PEBP4: variants seen among roughly 807,000 people sequenced by gnomAD.
PEBP4 encodes the protein phosphatidylethanolamine binding protein 4.
A neutral mutation model predicts 23.9 loss-of-function variants in PEBP4; 22 were observed. The observed-to-expected ratio is 0.92, with a 90% CI of 0.66 to 1.31. PEBP4 has a LOEUF of 1.31. Among genes scored for constraint, PEBP4 ranks in the 40% most tolerant of loss-of-function variants. The pLI, the probability that PEBP4 is intolerant of heterozygous loss-of-function variation, is 0.00. For missense variants in PEBP4, 324 were observed against 281.7 expected (o/e 1.15, Z -1.07); for synonymous variants, 112 against 99.3 (o/e 1.13, Z -0.76).
intron 4 of PEBP4, among the ~76,000 whole-genome samples, chr8:22,810,709 T>A (rs867064563): frequency 0.014 from 1,606 of 113,220 alleles, 18 homozygotes; most frequent in Middle Eastern, 0.027. Context: ...TGTGTGTGTG[T>A]GTGTGAGAGA....
Position 22,724,809 on chromosome 8 carries a change from C to A in PEBP4, c.517+34G>T, listed in dbSNP as rs201132505. On this transcript the variant is annotated intron_variant, in intron 6 of 6. Transcript: ENST00000256404. The stretch of plus-strand genomic sequence containing the variant: ...GCGTTTGTTCCACCCCAGAATTCAC[C>A]CCGGTGGTGGCTGGAAGGATGGGGA... The A allele has an allele frequency of 2.6e-6, 4 of 1,532,170 alleles. No homozygotes were observed. In the African/African-American group the frequency reaches 5.5e-5, roughly 21 times the overall value. The allele number at this position is 1,532,170 out of a possible 1,614,324, so 94.9% of individuals were successfully genotyped here.
At chr8:22,913,251 G>A (rs901203387) in intron 3 of PEBP4, among the ~76,000 whole-genome samples, 3 of 152,014 alleles carry the variant, frequency 2.0e-5, no homozygotes, top group Non-Finnish European at 4.4e-5. Context: ...CTCCCAGCCC[G>A]CAGTCCTGGA....
intron 3 of PEBP4, among the ~76,000 whole-genome samples, chr8:22,909,547 C>A (rs1294053239): frequency 6.6e-6 from 1 of 152,118 alleles, no homozygotes; most frequent in African/African-American, 2.4e-5. Flanking sequence ...GTCTCACAAC[C>A]CACTCCTTCC....
chr8:22,755,993 G>A (rs957185249), intron 4 of PEBP4: 6 of 152,174 alleles, frequency 3.9e-5, no homozygotes, highest in Non-Finnish European at 8.8e-5. Context: ...TGCCTCCAAC[G>A]GGGACACAAC....
intron 3 of PEBP4, among the ~76,000 whole-genome samples, chr8:22,908,419 G>A (rs1264403576): frequency 6.6e-6 from 1 of 151,936 alleles, no homozygotes; most frequent in Non-Finnish European, 1.5e-5. Flanking sequence ...TCTAGGAAGA[G>A]GCAGTGACCC....
At chr8:22,716,363 G>A (rs907066004) in intron 6 of PEBP4, among the ~76,000 whole-genome samples, 2 of 152,222 alleles carry the variant, frequency 1.3e-5, no homozygotes, top group African/African-American at 4.8e-5. Context: ...TTTCAGCGAT[G>A]TTCCAGATGG....
intron 1 of PEBP4, among the ~76,000 whole-genome samples, chr8:22,936,762 A>G (rs1470785039): frequency 1.3e-5 from 2 of 152,234 alleles, no homozygotes; most frequent in African/African-American, 4.8e-5. Flanking sequence ...AGCATAACCA[A>G]GTGAGATTTA....
chr8:22,824,483 A>T (rs1487152559), intron 3 of PEBP4, among the ~76,000 whole-genome samples: 1 of 152,084 alleles, frequency 6.6e-6, no homozygotes, highest in African/African-American at 2.4e-5. Context: ...GTGGAAGACA[A>T]TTTTTCCCCA....
At chr8:22,849,862 T>G (rs921174995) in intron 3 of PEBP4, among the ~76,000 whole-genome samples, 10 of 152,136 alleles carry the variant, frequency 6.6e-5, no homozygotes, top group Non-Finnish European at 1.5e-5. Context: ...TTTGTTGCTG[T>G]GGAATGCAAC....
At chr8:22,824,687 C>T (rs1265285214) in intron 3 of PEBP4, among the ~76,000 whole-genome samples, 1 of 152,106 alleles carries the variant, frequency 6.6e-6, no homozygotes, top group Non-Finnish European at 1.5e-5. Context: ...GACAGTGACA[C>T]ATCATCAGGC....
At chr8:22,858,720 G>A (rs139095055) in intron 3 of PEBP4, among the ~76,000 whole-genome samples, 394 of 152,334 alleles carry the variant, frequency 2.6e-3, no homozygotes, top group Non-Finnish European at 4.6e-3. Flanking sequence ...GCCGAGGCAG[G>A]TGGATCACTT....
chr8:22,925,090 G>A, intron 2 of PEBP4: 3 of 985,366 alleles, frequency 3.0e-6, no homozygotes, highest in Non-Finnish European at 3.6e-6. Flanking sequence ...TGTCTCCTCA[G>A]GGGTCCGATC....
chr8:22,773,719 G>A (rs1434496871), intron 4 of PEBP4, among the ~76,000 whole-genome samples: 3 of 152,158 alleles, frequency 2.0e-5, no homozygotes, highest in Non-Finnish European at 2.9e-5. Flanking sequence ...ACTAGGGAGC[G>A]GGTGGGGGCT....
intron 6 of PEBP4, among the ~76,000 whole-genome samples, chr8:22,713,760 G>T (rs754808597): frequency 6.6e-6 from 1 of 152,216 alleles, no homozygotes; most frequent in Admixed American, 6.5e-5. Context: ...TCCCCAGAGG[G>T]CAATGGGGAC....
At chr8:22,848,574 G>A (rs994105561) in intron 3 of PEBP4, among the ~76,000 whole-genome samples, 3 of 152,168 alleles carry the variant, frequency 2.0e-5, no homozygotes, top group Non-Finnish European at 4.4e-5. Context: ...CTGCCTGGCT[G>A]TTCCCATGCA....
intron 3 of PEBP4, among the ~76,000 whole-genome samples, chr8:22,910,033 G>A (rs1477836661): frequency 6.6e-6 from 1 of 152,226 alleles, no homozygotes; most frequent in Non-Finnish European, 1.5e-5. Context: ...GCCAGGTTGT[G>A]AGGAGGCTCA....
chr8:22,734,074 A>G (rs1167079579), intron 4 of PEBP4, among the ~76,000 whole-genome samples: 1 of 152,260 alleles, frequency 6.6e-6, no homozygotes, highest in Non-Finnish European at 1.5e-5. Flanking sequence ...AGCTGCCTGC[A>G]GGCTGCCAAG....
chr8:22,804,564 C>T (rs1227346272), intron 4 of PEBP4, among the ~76,000 whole-genome samples: 1 of 152,098 alleles, frequency 6.6e-6, no homozygotes, highest in African/African-American at 2.4e-5. Context: ...TAAGTATAGG[C>T]ACCGTGTTGT....
chr8:22,915,047 G>A (rs574866969), intron 3 of PEBP4, among the ~76,000 whole-genome samples: 4 of 151,970 alleles, frequency 2.6e-5, no homozygotes, highest in Admixed American at 6.5e-5. Context: ...ACAGAAACCC[G>A]AGGGTCATCT....
Sources: gnomAD v4.1 joint callset for allele counts (sites outside exome capture counted in the v4.1 genomes callset) on GRCh38, gnomAD v4.1.1 for gene constraint, MANE v1.5 for transcripts, NCBI Gene and HGNC (gene_info 2026-07-23, HGNC 2026-07-21) for gene names.